The following COL4A6 variants were observed in gnomAD, a reference collection of about 807,000 sequenced individuals.
The protein encoded by COL4A6 is collagen type IV alpha 6 chain, also known as collagen alpha-6(IV) chain.
Under a neutral mutation model 126.7 loss-of-function variants are expected in COL4A6, and 59 were observed. The observed-to-expected ratio is 0.47, with a 90% confidence interval of 0.38 to 0.58. COL4A6 has a LOEUF of 0.58. Among genes scored for constraint, COL4A6 ranks in the 20% least tolerant of loss-of-function variants. The pLI is 0.00. For missense variants in COL4A6, 1,285 were observed against 1,337.3 expected (o/e 0.96, Z 0.61); for synonymous variants, 547 against 496.6 (o/e 1.10, Z -1.35).
At chrX:108,164,191 G>A (rs2034050452) in intron 40 of COL4A6, among the ~76,000 whole-genome samples, 1 of 112,087 alleles carries the variant, frequency 8.9e-6, no homozygotes, top group Non-Finnish European at 1.9e-5. Flanking sequence ...GAGGTGAACA[G>A]ATGCAAGGCA....
In COL4A6 at chrX:108,179,420, C is replaced by T; in HGVS notation, c.2150G>A (p.Gly717Glu). Residue 717 changes from glycine to glutamate, a missense_variant, in exon 26 of 45, where the codon GGG becomes GAG. Transcript: ENST00000334504. ...PELPGFPGPR[G>E]EKGLPGFPGL... ...AGGAAACCCAGGCAAGCCCTTCTCC[C>T]CACGAGGTCCAGGAAATCCTAAACG... The T allele has an allele frequency of 8.3e-7, 1 of 1,203,461 alleles. No homozygotes were observed. Among genetic ancestry groups the T allele is most frequent in the African/African-American group, 1.7e-5 (1 of 57,604 alleles).
chrX:108,207,644 T>C (rs1315106668), intron 8 of COL4A6, among the ~76,000 whole-genome samples: 1 of 111,631 alleles, frequency 9.0e-6, no homozygotes, highest in Non-Finnish European at 1.9e-5. Context: ...TATAAAAGGA[T>C]GGTTGCATCT....
At chrX:108,386,295 A>G (rs2040690788) in intron 2 of COL4A6, among the ~76,000 whole-genome samples, 1 of 112,122 alleles carries the variant, frequency 8.9e-6, no homozygotes, top group African/African-American at 3.2e-5. Context: ...GAATAGCCAC[A>G]CTGTCTTCCA....
intron 3 of COL4A6, among the ~76,000 whole-genome samples, chrX:108,233,563 C>A (rs1378379169): frequency 8.9e-6 from 1 of 112,022 alleles, no homozygotes; most frequent in African/African-American, 3.2e-5. Context: ...GAGAGGGAAG[C>A]AATTTACTTA....
In COL4A6 at chrX:108,221,303, C is replaced by G. The variant is rs1266720055; in HGVS notation, c.216G>C (p.Ser72=). 1.7e-6 allele frequency: 2 copies of G among 1,211,536 alleles called. No individual in the cohort carries two copies. Among genetic ancestry groups the G allele is most frequent in the Non-Finnish European group, 2.2e-6 (2 of 895,173 alleles). ...GGAAACCCCTTTCTCCTTTCAATCC[C>G]GATAAACCAGTAGAGCCAGTGAATC... ...PQGFTGSTGL[S]GLKGERGFPG... Residue 72 remains serine, a synonymous_variant, in exon 4 of 45, where the codon TCG becomes TCC. Transcript: ENST00000334504.
At chrX:108,195,275 C>CAT (rs2035177727) in intron 14 of COL4A6, 149 bp from the exon 15 acceptor site, 6 of 285,377 alleles carry the variant, frequency 2.1e-5, no homozygotes, top group Non-Finnish European at 3.1e-5. Flanking sequence ...AGCTTAACGA[C>CAT]TTTTTTTTTT....
At chrX:108,346,763 A>G (rs1421245751) in intron 2 of COL4A6, among the ~76,000 whole-genome samples, 2 of 112,741 alleles carry the variant, frequency 1.8e-5, no homozygotes, top group African/African-American at 6.4e-5. Context: ...AAACATTTAA[A>G]TAAGTGTGAG....
rs373506055 is a variant in COL4A6 at position 108,403,081 on chromosome X, T to C, written c.63+34861A>G. 6.3e-5 allele frequency among the ~76,000 whole-genome samples: 7 copies of C among 111,421 alleles called. No individual in the cohort carries two copies. In the South Asian group the frequency reaches 2.6e-3, roughly 42 times the overall value. On this transcript the variant is annotated intron_variant, in intron 2 of 44. Coordinates refer to ENST00000334504, the MANE Select transcript of COL4A6 (RefSeq NM_033641.4). ...GCAGATTTGTTATTTTCTTCTTGCATTGCATTAAATTTTGCATTCCATTTC... is the reference window on the plus strand; with the variant it reads ...GCAGATTTGTTATTTTCTTCTTGCACTGCATTAAATTTTGCATTCCATTTC...
intron 3 of COL4A6, among the ~76,000 whole-genome samples, chrX:108,291,185 G>GT (rs2038152125): frequency 9.0e-6 from 1 of 111,609 alleles, no homozygotes. Context: ...GCTCTCATTA[G>GT]GACCTTATTT....
chrX:108,399,233 C>T (rs757216089), intron 2 of COL4A6, among the ~76,000 whole-genome samples: 69 of 111,318 alleles, frequency 6.2e-4, no homozygotes, highest in Admixed American at 3.0e-3. Context: ...AGAGAGAATG[C>T]TGTTTTACGA....
At chrX:108,205,558 CT>C in intron 10 of COL4A6, 78 bp from the exon 11 acceptor site, 10 of 1,126,964 alleles carry the variant, frequency 8.9e-6, no homozygotes, top group Middle Eastern at 2.4e-4. Flanking sequence ...GGAATGCAAT[CT>C]TTTTTACCAG....
At chrX:108,431,379 T>C (rs1392339425) in intron 2 of COL4A6, among the ~76,000 whole-genome samples, 3 of 110,992 alleles carry the variant, frequency 2.7e-5, no homozygotes, top group African/African-American at 9.9e-5. Context: ...ATCCCTAGAG[T>C]CTAAAATCTT....
chrX:108,412,941 T>C (rs757131682), intron 2 of COL4A6, among the ~76,000 whole-genome samples: 2 of 112,217 alleles, frequency 1.8e-5, no homozygotes, highest in Non-Finnish European at 3.8e-5. Flanking sequence ...AGGAAGTGAG[T>C]TTCTTTCAAA....
chrX:108,263,614 T>C (rs2037222776), intron 3 of COL4A6, among the ~76,000 whole-genome samples: 1 of 112,059 alleles, frequency 8.9e-6, no homozygotes, highest in Non-Finnish European at 1.9e-5. Context: ...CAGGTCCTGA[T>C]TGGAAGAAAT....
At chrX:108,193,503 G>T in intron 17 of COL4A6, 125 bp downstream of exon 17, 1 of 567,401 alleles carries the variant, frequency 1.8e-6, no homozygotes, top group Non-Finnish European at 2.9e-6. Context: ...GCCATGAGGG[G>T]CTCTTGGGTG....
At chrX:108,183,126 C>T (rs749643418) in intron 23 of COL4A6, among the ~76,000 whole-genome samples, 24 of 112,534 alleles carry the variant, frequency 2.1e-4, no homozygotes, top group African/African-American at 7.7e-4. Context: ...ATATTGGTAT[C>T]TGGCTCTTTT....
chrX:108,161,755 A>C lies in COL4A6; in HGVS notation c.4217-20T>G, dbSNP rs2033947668. 1 of 1,086,806 alleles carries C rather than the reference A, an allele frequency of 9.2e-7. No homozygotes were observed. Among genetic ancestry groups the C allele is most frequent in the Non-Finnish European group, 1.3e-6 (1 of 784,462 alleles). 89.6% of individuals were successfully genotyped at this position (1,086,806 alleles called of 1,213,427 possible). ...TGGAGCCTGCAGGAGAGAAAGCCCA[A>C]AGGAGGGTACTCAATGTAGAGGGTC... is the stretch of plus-strand genomic sequence containing the variant. On this transcript the variant is annotated intron_variant, in intron 41 of 44. Transcript: ENST00000334504.
At chrX:108,189,002 A>C (rs745557857) in intron 20 of COL4A6, among the ~76,000 whole-genome samples, 1 of 112,407 alleles carries the variant, frequency 8.9e-6, no homozygotes, top group East Asian at 2.8e-4. Flanking sequence ...TTTTCCCCTG[A>C]CTTTTGTACA....
chrX:108,298,367 ACAGGGCATTGTC>A (rs1350278642), intron 3 of COL4A6, among the ~76,000 whole-genome samples: 7 of 112,578 alleles, frequency 6.2e-5, no homozygotes, highest in African/African-American at 2.3e-4. Context: ...GGCGGGTCAG[ACAGGGCATTGTC>A]CAGGGCTACC....
Sources: gnomAD v4.1 joint callset for allele counts (sites outside exome capture counted in the v4.1 genomes callset) on GRCh38, gnomAD v4.1.1 for gene constraint, MANE v1.5 for transcripts, NCBI Gene and HGNC (gene_info 2026-07-23, HGNC 2026-07-21) for gene names.